PHF2: variants seen among roughly 807,000 people sequenced by gnomAD.
The protein encoded by PHF2 is PHD finger protein 2, also known as lysine-specific demethylase PHF2.
Under a neutral mutation model 120.5 loss-of-function variants are expected in PHF2, and 27 were observed. The observed-to-expected ratio is 0.22, with a 90% CI of 0.17 to 0.31. The LOEUF (loss-of-function observed/expected upper bound fraction) is 0.31, where lower values mean the gene tolerates loss of function less well. Among genes scored for constraint, PHF2 ranks in the 10% least tolerant of loss-of-function variants. The pLI is 1.00. For synonymous variants in PHF2, 568 were observed against 592.5 expected, an observed-to-expected ratio of 0.96 and a Z score of 0.60; for missense variants, 1,024 against 1,434.8, an observed-to-expected ratio of 0.71 and a Z score of 4.63.
chr9:93,673,992 C>A, intron 18 of PHF2, 130 bp downstream of exon 18: 1 of 1,014,098 alleles, frequency 9.9e-7, no homozygotes, highest in Non-Finnish European at 1.4e-6. Context: ...AACCCTCGGC[C>A]TCTGACTGCT....
At chr9:93,634,063 A>G (rs900966166) in intron 2 of PHF2, among the ~76,000 whole-genome samples, 1 of 152,136 alleles carries the variant, frequency 6.6e-6, no homozygotes, top group Non-Finnish European at 1.5e-5. Flanking sequence ...GTGGTGACCT[A>G]AGGGCAGGCA....
Position 93,676,589 on chromosome 9 carries a change from C to T in PHF2, c.2833-5C>T. The stretch of plus-strand genomic sequence containing the variant: ...CTGAGGCTGCCCTGCATGTTTTGTT[C>T]AAAGGAGGAGCAGAAAAGCAAGAAA... On this transcript the variant is annotated splice_region_variant and splice_polypyrimidine_tract_variant and intron_variant, in intron 20 of 21. Transcript: ENST00000359246. The T allele has an allele frequency of 1.3e-6, 2 of 1,587,534 alleles. No homozygotes were observed. The highest frequency in any genetic ancestry group is 1.7e-6 in the Non-Finnish European group (2 of 1,162,898).
At chr9:93,660,683 A>T in intron 12 of PHF2, 123 bp downstream of exon 12, 4 of 918,312 alleles carry the variant, frequency 4.4e-6, no homozygotes, top group Admixed American at 3.3e-5. Context: ...CCCTGAGAAG[A>T]TGTGGGGGTC....
intron 4 of PHF2, 83 bp from the exon 5 acceptor site, chr9:93,648,988 G>A: frequency 2.7e-6 from 4 of 1,472,510 alleles, no homozygotes; most frequent in Non-Finnish European, 3.7e-6. Context: ...AGCCAAGAGT[G>A]TGTGTCCACT....
chr9:93,663,813 A>G (rs535664663), intron 14 of PHF2, among the ~76,000 whole-genome samples, 178 bp downstream of exon 14: 1 of 152,204 alleles, frequency 6.6e-6, no homozygotes, highest in South Asian at 2.1e-4. Flanking sequence ...CACACTGCAC[A>G]TCACGTACCC....
intron 1 of PHF2, among the ~76,000 whole-genome samples, chr9:93,609,889 G>C (rs1825605803): frequency 6.6e-6 from 1 of 152,102 alleles, no homozygotes; most frequent in Non-Finnish European, 1.5e-5. Context: ...TAGAGATGGG[G>C]TTTCACCACG....
In PHF2 at chr9:93,676,864, G is replaced by A. The variant is rs543739019; in HGVS notation, c.3103G>A (p.Ala1035Thr). 2.0e-5 allele frequency: 32 copies of A among 1,569,316 alleles called. No homozygotes were observed. The East Asian group carries it at 6.5e-4, about 32-fold the overall frequency. The change falls in exon 21 of 22, where the codon GCC (alanine) becomes ACC (threonine). Residue 1035 changes from alanine (A) to threonine (T), a missense_variant. Ala to Thr is a moderately conservative substitution (Grantham distance 58). This residue lies in a region of PHF2 where 677 missense variants were observed against 857.4 expected (regional missense o/e 0.79). Coordinates refer to ENST00000359246, the MANE Select transcript of PHF2 (RefSeq NM_005392.4). Reference protein sequence around the residue: ...EYTAAGTFTGAQAGRTSQPMA... With the variant: ...EYTAAGTFTGTQAGRTSQPMA... ...CACAGCCGCTGGCACCTTCACCGGG[G>A]CCCAGGCTGGCCGCACCTCCCAGCC...
chr9:93,667,378 A>G, intron 17 of PHF2, 138 bp downstream of exon 17: 1 of 931,026 alleles, frequency 1.1e-6, no homozygotes, highest in Non-Finnish European at 1.6e-6. Context: ...CCTGGGCAGA[A>G]GGGCACACCT....
chr9:93,614,313 G>A (rs1410426319), intron 1 of PHF2, among the ~76,000 whole-genome samples: 1 of 152,222 alleles, frequency 6.6e-6, no homozygotes, highest in East Asian at 1.9e-4. Context: ...CAGACATAGA[G>A]GGTGGTGAGG....
intron 1 of PHF2, among the ~76,000 whole-genome samples, chr9:93,625,468 CTTTTTTTTTTTTTTT>C (rs905164226): frequency 2.1e-5 from 2 of 94,714 alleles, no homozygotes; most frequent in African/African-American, 1.1e-4. Flanking sequence ...GTTTGAGTAC[CTTTTTTTTTTTTTTT>C]TTTTTTTTTT....
intron 1 of PHF2, among the ~76,000 whole-genome samples, chr9:93,590,931 C>T (rs1825207219): frequency 6.6e-6 from 1 of 152,240 alleles, no homozygotes; most frequent in Non-Finnish European, 1.5e-5. Context: ...CTTTGAGGGG[C>T]CGCTTCTCCC....
chr9:93,638,970 G>A (rs967389254), intron 3 of PHF2, among the ~76,000 whole-genome samples: 5 of 152,192 alleles, frequency 3.3e-5, no homozygotes, highest in South Asian at 2.1e-4. Context: ...TGCCCACCTC[G>A]GCCTCCCAAA....
chr9:93,585,442 G>A (rs911277422), intron 1 of PHF2, among the ~76,000 whole-genome samples: 14 of 152,244 alleles, frequency 9.2e-5, no homozygotes, highest in African/African-American at 3.4e-4. Flanking sequence ...GCACAGTTAT[G>A]GAGCAGTGCC....
intron 1 of PHF2, among the ~76,000 whole-genome samples, chr9:93,616,876 G>T (rs1825738241): frequency 6.6e-6 from 1 of 152,024 alleles, no homozygotes; most frequent in African/African-American, 2.4e-5. Flanking sequence ...GGCTAGTCTT[G>T]AACTCCTGAC....
At chr9:93,658,947 T>G (rs1395063387) in intron 10 of PHF2, among the ~76,000 whole-genome samples, 1 of 152,192 alleles carries the variant, frequency 6.6e-6, no homozygotes, top group African/African-American at 2.4e-5. Flanking sequence ...TGGGACAGTG[T>G]TTCCTACTGG....
rs1825973986 is a variant in PHF2 at position 93,630,046 on chromosome 9, A to G, written c.175A>G (p.Lys59Glu). The G allele has an allele frequency of 6.2e-7, 1 of 1,613,008 alleles. No individual in the cohort carries two copies. Among genetic ancestry groups the G allele is most frequent in the Admixed American group, 1.7e-5 (1 of 60,008 alleles). Reference sequence around the variant, plus strand: ...CCCAAACTGTGAGAAAACCCATGGGAAGTCCACCTGTAAGTACCGCAGCCC... The same window carrying G: ...CCCAAACTGTGAGAAAACCCATGGGGAGTCCACCTGTAAGTACCGCAGCCC... ...HCPNCEKTHGKSTLKKKRTWH... is the reference protein window; with the variant it reads ...HCPNCEKTHGESTLKKKRTWH... Residue 59 changes from lysine (K) to glutamate (E), a missense_variant, in exon 2 of 22, where the codon AAG becomes GAG. Transcript: ENST00000359246.
At chr9:93,582,310 T>G (rs1034892841) in intron 1 of PHF2, among the ~76,000 whole-genome samples, 1 of 152,208 alleles carries the variant, frequency 6.6e-6, no homozygotes, top group Non-Finnish European at 1.5e-5. Context: ...TAACTGCTCG[T>G]GTCCATGGTT....
chr9:93,669,545 C>G (rs368317080), intron 17 of PHF2, among the ~76,000 whole-genome samples: 21 of 152,196 alleles, frequency 1.4e-4, no homozygotes, highest in African/African-American at 5.1e-4. Context: ...CTGCTCAGTC[C>G]CTGTGAAACC....
intron 1 of PHF2, among the ~76,000 whole-genome samples, chr9:93,616,094 T>C (rs1825725734): frequency 6.6e-6 from 1 of 152,202 alleles, no homozygotes; most frequent in Admixed American, 6.5e-5. Context: ...ACTCTAAACT[T>C]CTAAACTAAA....
Sources: gnomAD v4.1 joint callset for allele counts (sites outside exome capture counted in the v4.1 genomes callset) on GRCh38, gnomAD v4.1.1 for gene constraint, gnomAD v4.1.1 regional missense constraint, MANE v1.5 for transcripts, NCBI Gene and HGNC (gene_info 2026-07-23, HGNC 2026-07-21) for gene names.